ARHGAP22: variants seen among roughly 807,000 people sequenced by gnomAD.
ARHGAP22 encodes Rho GTPase activating protein 22, also known as rho GTPase-activating protein 22.
ARHGAP22 carries 48 observed loss-of-function variants against 59.1 expected under a neutral mutation model. The ratio of observed to expected loss-of-function variants is 0.81; its 90% confidence interval spans 0.64 to 1.03. The LOEUF (loss-of-function observed/expected upper bound fraction) is 1.03, where lower values mean the gene tolerates loss of function less well. ARHGAP22 is among the 50% of genes least tolerant of loss of function. ARHGAP22 has a pLI of 0.00. For missense variants in ARHGAP22, 1,015 were observed against 958.7 expected (o/e 1.06, Z -0.78); for synonymous variants, 445 against 416.4 (o/e 1.07, Z -0.84).
chr10:48,584,052 T>G (rs11101391), intron 1 of ARHGAP22, among the ~76,000 whole-genome samples: 8,533 of 152,220 alleles, frequency 0.056, 349 homozygotes, highest in Non-Finnish European at 0.088. Flanking sequence ...GCTCCTCTCC[T>G]CTCTCTGGCC....
intron 3 of ARHGAP22, among the ~76,000 whole-genome samples, chr10:48,548,762 G>T (rs2135230674): frequency 6.6e-6 from 1 of 152,344 alleles, no homozygotes; most frequent in South Asian, 2.1e-4. Flanking sequence ...GGCTGGGAGG[G>T]GCAGGGTTTG....
At chr10:48,601,677 G>A (rs995436378) in intron 1 of ARHGAP22, among the ~76,000 whole-genome samples, 8 of 152,062 alleles carry the variant, frequency 5.3e-5, no homozygotes, top group South Asian at 2.1e-4. Context: ...TATTAGCACC[G>A]TTTAATTGCT....
intron 1 of ARHGAP22, among the ~76,000 whole-genome samples, chr10:48,628,263 C>T (rs1445439416): frequency 6.6e-6 from 1 of 152,216 alleles, no homozygotes; most frequent in Non-Finnish European, 1.5e-5. Flanking sequence ...TGTTACAGTC[C>T]TTGTTTTAGC....
intron 1 of ARHGAP22, among the ~76,000 whole-genome samples, chr10:48,632,536 T>G (rs186489079): frequency 6.6e-6 from 1 of 152,358 alleles, no homozygotes; most frequent in African/African-American, 2.4e-5. Flanking sequence ...TACCCCTGGC[T>G]TCTTTCAAGA....
chr10:48,533,985 G>A (rs929878832), intron 3 of ARHGAP22, among the ~76,000 whole-genome samples: 1 of 152,244 alleles, frequency 6.6e-6, no homozygotes, highest in East Asian at 1.9e-4. Context: ...GGAGAGGGCC[G>A]TGCCCAGGAG....
At chr10:48,520,100 G>A (rs61619984) in intron 3 of ARHGAP22, among the ~76,000 whole-genome samples, 3,850 of 152,278 alleles carry the variant, frequency 0.025, 190 homozygotes, top group African/African-American at 0.087. Flanking sequence ...GGGCAGGGTC[G>A]AGAGCCAGGA....
intron 3 of ARHGAP22, among the ~76,000 whole-genome samples, chr10:48,551,490 T>G (rs1196874525): frequency 6.6e-6 from 1 of 152,200 alleles, no homozygotes; most frequent in Non-Finnish European, 1.5e-5. Flanking sequence ...GCAAATCTTG[T>G]GTGTAAGCAA....
chr10:48,610,514 T>C (rs962603280), intron 1 of ARHGAP22, among the ~76,000 whole-genome samples: 2 of 152,158 alleles, frequency 1.3e-5, no homozygotes, highest in Non-Finnish European at 2.9e-5. Context: ...GTTGTAGCAC[T>C]TGTCACACAT....
the ARHGAP22 span, among the ~76,000 whole-genome samples, chr10:48,434,006 C>T: frequency 6.6e-6 from 1 of 152,192 alleles, no homozygotes; most frequent in Admixed American, 6.5e-5. Flanking sequence ...TAGCCTAGTG[C>T]ATGAGTTACC....
At chr10:48,495,529 C>T (rs1466979262) in intron 3 of ARHGAP22, among the ~76,000 whole-genome samples, 1 of 152,218 alleles carries the variant, frequency 6.6e-6, no homozygotes. Flanking sequence ...CCACTCACAG[C>T]CCACTCTTAA....
chr10:48,595,301 T>G (rs541988362), intron 1 of ARHGAP22, among the ~76,000 whole-genome samples: 2 of 152,144 alleles, frequency 1.3e-5, no homozygotes, highest in South Asian at 4.2e-4. Context: ...GCCAAAAGAT[T>G]GATTGAGGAG....
chr10:48,555,645 G>C (rs1838568), intron 2 of ARHGAP22, 95 bp from the exon 3 acceptor site: 193,081 of 1,222,990 alleles, frequency 0.16, 16,252 homozygotes, highest in Admixed American at 0.29. Flanking sequence ...TTAGGACCTG[G>C]GGCCCTCCAG....
chr10:48,443,455 C>CAAGTG, downstream of ARHGAP22, among the ~76,000 whole-genome samples: 1 of 152,226 alleles, frequency 6.6e-6, no homozygotes, highest in African/African-American at 2.4e-5. Context: ...CCCCTGTGCT[C>CAAGTG]AAGTGTTGCG....
chr10:48,560,217 G>C (rs149069144), intron 2 of ARHGAP22, among the ~76,000 whole-genome samples: 25 of 152,270 alleles, frequency 1.6e-4, no homozygotes, highest in African/African-American at 6.0e-4. Flanking sequence ...GAATCAGCTA[G>C]TCAATTTCTA....
chr10:48,633,950 G>A (rs1409301206), intron 1 of ARHGAP22, among the ~76,000 whole-genome samples: 1 of 152,188 alleles, frequency 6.6e-6, no homozygotes, highest in African/African-American at 2.4e-5. Context: ...TCTGAGAGTT[G>A]ACACCATGGG....
At chr10:48,518,294 G>A (rs574238296) in intron 3 of ARHGAP22, among the ~76,000 whole-genome samples, 5 of 152,276 alleles carry the variant, frequency 3.3e-5, no homozygotes, top group African/African-American at 9.6e-5. Flanking sequence ...CACCTCGCCT[G>A]GCCTCTGCCA....
intron 3 of ARHGAP22, among the ~76,000 whole-genome samples, chr10:48,481,327 CGA>C (rs1564738183): frequency 6.6e-6 from 1 of 151,964 alleles, no homozygotes; most frequent in East Asian, 1.9e-4. Flanking sequence ...GCTGAGTGTG[CGA>C]GATAGGGAGA....
At chr10:48,472,000 A>C (rs2048274552) in intron 4 of ARHGAP22, among the ~76,000 whole-genome samples, 1 of 151,382 alleles carries the variant, frequency 6.6e-6, no homozygotes, top group African/African-American at 2.4e-5. Context: ...TGAGGTCAGG[A>C]GTTGGAGACC....
chr10:48,632,765 C>T (rs2061671553), intron 1 of ARHGAP22, among the ~76,000 whole-genome samples: 1 of 152,206 alleles, frequency 6.6e-6, no homozygotes, highest in Non-Finnish European at 1.5e-5. Context: ...AGGCTAGGAG[C>T]TGTGCCGTCT....
Sources: gnomAD v4.1 joint callset for allele counts (sites outside exome capture counted in the v4.1 genomes callset) on GRCh38, gnomAD v4.1.1 for gene constraint, MANE v1.5 for transcripts, NCBI Gene and HGNC (gene_info 2026-07-23, HGNC 2026-07-21) for gene names.